Variants in LNP1 observed in about 807,000 individuals in gnomAD.
LNP1 encodes the protein leukemia NUP98 fusion partner 1.
In LNP1, 12 loss-of-function variants were observed where a neutral mutation model predicts 14.5. The ratio of observed to expected loss-of-function variants is 0.83; its 90% CI spans 0.53 to 1.34. The LOEUF (loss-of-function observed/expected upper bound fraction) is 1.34, where lower values mean the gene tolerates loss of function less well. LNP1 is among the 40% of genes most tolerant of loss of function. The probability of loss-of-function intolerance (pLI) is 0.00; values close to 1 mark genes in which losing one functional copy is unlikely to be tolerated. For missense variants in LNP1, 198 were observed against 210.9 expected, an observed-to-expected ratio of 0.94 and a Z score of 0.38; for synonymous variants, 75 against 71.4, an observed-to-expected ratio of 1.05 and a Z score of -0.26.
At position 100,429,860 on chromosome 3, in the gene LNP1, A is replaced by C. The variant is rs762915340; in HGVS notation, c.131A>C (p.His44Pro). 3 of 1,613,948 alleles carry C rather than the reference A, an allele frequency of 1.9e-6. No homozygotes were observed. Among genetic ancestry groups the C allele is most frequent in the Non-Finnish European group, 2.5e-6 (3 of 1,179,922 alleles). The part of the protein sequence containing the change: ...RERHRLQATS[H>P]RKTSLPCPLP... Reference sequence around the variant, plus strand: ...CGCCACCGACTGCAAGCCACCAGTCACAGGAAAACCTCCCTGCCCTGCCCA... The same window carrying C: ...CGCCACCGACTGCAAGCCACCAGTCCCAGGAAAACCTCCCTGCCCTGCCCA... Residue 44 changes from histidine to proline, a missense_variant, in exon 2 of 4, where the codon CAC becomes CCC. By Grantham distance (77) the His-to-Pro change is moderately conservative. Transcript: ENST00000383693.
intron 2 of LNP1, among the ~76,000 whole-genome samples, chr3:100,439,541 C>G (rs1707325647): frequency 6.6e-6 from 1 of 152,156 alleles, no homozygotes; most frequent in Admixed American, 6.5e-5. Context: ...AACCCTTGCT[C>G]ATCCTTCAGC....
In LNP1 at chr3:100,408,833, G is replaced by A. The variant is rs150689233; in HGVS notation, c.-34+6394G>A. 2.0e-3 allele frequency among the ~76,000 whole-genome samples: 311 copies of A among 152,242 alleles called. 1 individual carries two copies. Among genetic ancestry groups the A allele is most frequent in the African/African-American group, 7.1e-3 (294 of 41,532 alleles). On this transcript the variant is annotated intron_variant, in intron 1 of 3. Transcript: ENST00000383693. ...CCTGGTCTTGGGGGAAGGGTGACAT[G>A]GGTAATGTAAAACTGTTCTTCCTAC...
At chr3:100,432,096 T>C in intron 2 of LNP1, among the ~76,000 whole-genome samples, 1 of 143,306 alleles carries the variant, frequency 7.0e-6, no homozygotes, top group African/African-American at 2.6e-5. Context: ...TTTTGTCTGC[T>C]TTGAGCTAAT....
chr3:100,419,133 G>T (rs1273662253), intron 1 of LNP1, among the ~76,000 whole-genome samples: 1 of 152,108 alleles, frequency 6.6e-6, no homozygotes, highest in African/African-American at 2.4e-5. Flanking sequence ...CTGTCCATAG[G>T]TTTTTTCTGC....
At chr3:100,423,045 C>A (rs756517552) in intron 1 of LNP1, among the ~76,000 whole-genome samples, 5 of 151,938 alleles carry the variant, frequency 3.3e-5, no homozygotes, top group Non-Finnish European at 7.4e-5. Flanking sequence ...TGACACGTTG[C>A]CACTAAACAA....
At chr3:100,420,899 CT>C (rs926878444) in intron 1 of LNP1, among the ~76,000 whole-genome samples, 23 of 148,644 alleles carry the variant, frequency 1.5e-4, no homozygotes, top group East Asian at 9.8e-4. Context: ...TTCTCCCATG[CT>C]TTTTTTTTTC....
At chr3:100,411,976 C>G (rs1271522926) in intron 1 of LNP1, among the ~76,000 whole-genome samples, 1 of 151,996 alleles carries the variant, frequency 6.6e-6, no homozygotes, top group Non-Finnish European at 1.5e-5. Context: ...CTAAAGGTAT[C>G]AAAGAAGGAA....
intron 1 of LNP1, among the ~76,000 whole-genome samples, chr3:100,416,997 A>G (rs192145827): frequency 1.3e-3 from 199 of 152,228 alleles, no homozygotes; most frequent in Middle Eastern, 3.4e-3. Context: ...TAAAATTCCT[A>G]GCTCATACCT....
chr3:100,407,535 T>G (rs1706982173), intron 1 of LNP1, among the ~76,000 whole-genome samples: 1 of 152,216 alleles, frequency 6.6e-6, no homozygotes, highest in South Asian at 2.1e-4. Context: ...TTGTCTTAGA[T>G]CTGTAGAGTT....
At chr3:100,435,176 A>G in intron 2 of LNP1, among the ~76,000 whole-genome samples, 1 of 152,222 alleles carries the variant, frequency 6.6e-6, no homozygotes, top group Non-Finnish European at 1.5e-5. Flanking sequence ...AAATTCAGGT[A>G]CCAGTGAGAA....
At chr3:100,443,511 TTAA>T (rs200068623) in intron 2 of LNP1, among the ~76,000 whole-genome samples, 1,696 of 152,346 alleles carry the variant, frequency 0.011, 23 homozygotes, top group African/African-American at 0.038. Context: ...TAAGACTTTT[TTAA>T]AAGCTGAGCT....
intron 2 of LNP1, among the ~76,000 whole-genome samples, chr3:100,441,957 G>C (rs1276321162): frequency 1.3e-5 from 2 of 152,082 alleles, no homozygotes; most frequent in Non-Finnish European, 2.9e-5. Context: ...GAGCCACTGT[G>C]CCTGGCCCTA....
At chr3:100,454,096 C>T (rs1202647933) in intron 3 of LNP1, among the ~76,000 whole-genome samples, 1 of 152,130 alleles carries the variant, frequency 6.6e-6, no homozygotes, top group Non-Finnish European at 1.5e-5. Context: ...CTCTAAAATA[C>T]AAAATATGCT....
intron 2 of LNP1, among the ~76,000 whole-genome samples, chr3:100,443,063 T>C (rs953047498): frequency 2.0e-5 from 3 of 152,216 alleles, no homozygotes; most frequent in Admixed American, 1.3e-4. Flanking sequence ...GGCTTATGTA[T>C]GTAAATAGGT....
Position 100,423,080 on chromosome 3 carries a change from T to C in LNP1, c.-33-6617T>C, listed in dbSNP as rs564582327. On this transcript the variant is annotated intron_variant, in intron 1 of 3. Coordinates refer to ENST00000383693, the MANE Select transcript of LNP1 (RefSeq NM_001085451.2). ...AGAGTCTGACAATCAGGTCATTGAATAGAACATAGCACACAGTTTCAAGTA... is the reference window on the plus strand; with the variant it reads ...AGAGTCTGACAATCAGGTCATTGAACAGAACATAGCACACAGTTTCAAGTA... 2.0e-5 allele frequency among the ~76,000 whole-genome samples: 3 copies of C among 152,204 alleles called. No homozygotes were observed. The South Asian group carries it at 6.2e-4, about 32-fold the overall frequency.
At chr3:100,454,549 C>A (rs546813945) in intron 3 of LNP1, among the ~76,000 whole-genome samples, 5 of 152,266 alleles carry the variant, frequency 3.3e-5, no homozygotes, top group Admixed American at 1.3e-4. Context: ...GAAACTGTTT[C>A]TGTGTCCTGA....
chr3:100,410,670 A>G (rs574325662), intron 1 of LNP1, among the ~76,000 whole-genome samples: 247 of 152,286 alleles, frequency 1.6e-3, no homozygotes, highest in Non-Finnish European at 2.9e-3. Context: ...AAGAATAGAG[A>G]TGGGATTTTA....
intron 1 of LNP1, among the ~76,000 whole-genome samples, chr3:100,409,643 G>C (rs571839629): frequency 6.8e-6 from 1 of 146,498 alleles, no homozygotes; most frequent in South Asian, 2.2e-4. Context: ...TATAGCCCAG[G>C]CCAGAGTGCA....
rs561912435 is a variant in LNP1, at chr3:100,407,479, A to G, written c.-34+5040A>G. On this transcript the variant is annotated intron_variant, in intron 1 of 3. Coordinates refer to ENST00000383693, the MANE Select transcript of LNP1 (RefSeq NM_001085451.2). ...CTGCTAGGCATATTGGAACTGCCGTATATGTTACTTGCTTTTTTTGTCTTG... is the reference window on the plus strand; with the variant it reads ...CTGCTAGGCATATTGGAACTGCCGTGTATGTTACTTGCTTTTTTTGTCTTG... Among the ~76,000 whole-genome samples the G allele has an allele frequency of 4.6e-5, 7 of 152,214 alleles. No individual in the cohort carries two copies. The South Asian group carries it at 1.4e-3, about 32-fold the overall frequency.
Sources: allele counts gnomAD v4.1 joint callset (sites outside exome capture counted in the v4.1 genomes callset), GRCh38; gene constraint gnomAD v4.1.1; transcripts MANE v1.5; gene names NCBI Gene and HGNC (gene_info 2026-07-23, HGNC 2026-07-21).